Variants in MARK1 observed in about 807,000 individuals in gnomAD.
MARK1 encodes microtubule affinity regulating kinase 1, also known as serine/threonine-protein kinase MARK1.
Under a neutral mutation model 96.3 loss-of-function variants are expected in MARK1, and 40 were observed. That is an observed-to-expected ratio of 0.42 (90% CI 0.32 to 0.54). The LOEUF is 0.54. MARK1 is among the 20% of genes least tolerant of loss of function. The pLI is 0.16. For missense variants in MARK1, 719 were observed against 984.6 expected (o/e 0.73, Z 3.61); for synonymous variants, 317 against 341.2 (o/e 0.93, Z 0.78).
chr1:220,610,257 C>CT (rs1170393025), intron 6 of MARK1, among the ~76,000 whole-genome samples: 1 of 152,162 alleles, frequency 6.6e-6, no homozygotes, highest in East Asian at 1.9e-4. Flanking sequence ...TCTTTCTACT[C>CT]TTTTTTCTCT....
chr1:220,642,604 A>G (rs2103031481), intron 13 of MARK1, among the ~76,000 whole-genome samples: 1 of 152,358 alleles, frequency 6.6e-6, no homozygotes, highest in African/African-American at 2.4e-5. Context: ...AGCACAGATC[A>G]CCAGCTCCAC....
rs371532533 is a variant in MARK1, at chr1:220,588,258, CAGGATCTT to C, written c.309+7145_309+7152del. 3.3e-5 allele frequency among the ~76,000 whole-genome samples: 5 copies of C among 152,260 alleles called. No homozygotes were observed. The East Asian group carries it at 7.7e-4, about 23-fold the overall frequency. On this transcript the variant is annotated intron_variant, in intron 3 of 17. Coordinates refer to ENST00000366917, the MANE Select transcript of MARK1 (RefSeq NM_018650.5). ...GCACCAACTTATACCCAAAGCTGTGCAGGATCTTAGGAGAGATTCAAGTAATGTGAAAT... is the reference window on the plus strand; with the variant it reads ...GCACCAACTTATACCCAAAGCTGTGCAGGAGAGATTCAAGTAATGTGAAAT...
chr1:220,528,705 G>A lies in MARK1; in HGVS notation c.-118G>A. On this transcript the variant is annotated 5_prime_UTR_variant, in exon 1 of 18. Coordinates refer to ENST00000366917, the MANE Select transcript of MARK1 (RefSeq NM_018650.5). Reference sequence around the variant, plus strand: ...CGCTTGTTGCACCGCCCCGCGGCCTGCGGGAGCCGCTCGCCCCGGCCTTGT... The same window carrying A: ...CGCTTGTTGCACCGCCCCGCGGCCTACGGGAGCCGCTCGCCCCGGCCTTGT... 1.2e-6 allele frequency: 1 copy of A among 866,928 alleles called. No homozygotes were observed. The highest frequency in any genetic ancestry group is 1.7e-6 in the Non-Finnish European group (1 of 595,850). 53.7% of individuals were successfully genotyped at this position (866,928 alleles called of 1,614,324 possible).
At chr1:220,580,335 T>C (rs1181627322) in intron 2 of MARK1, among the ~76,000 whole-genome samples, 1 of 151,808 alleles carries the variant, frequency 6.6e-6, no homozygotes, top group African/African-American at 2.4e-5. Flanking sequence ...AATACAGAAA[T>C]TAGCTGGGCT....
At position 220,607,146 on chromosome 1, in the gene MARK1, A is replaced by C. The variant is rs61830212; in HGVS notation, c.495+3009A>C. Reference sequence around the variant, plus strand: ...CATTTTCACAATATTGATTCTTCCTATCCGTGAGCATGGAATATTCTTCCA... The same window carrying C: ...CATTTTCACAATATTGATTCTTCCTCTCCGTGAGCATGGAATATTCTTCCA... On this transcript the variant is annotated intron_variant, in intron 6 of 17. Transcript: ENST00000366917. 9.7e-3 allele frequency among the ~76,000 whole-genome samples: 1,479 copies of C among 152,272 alleles called. 15 individuals are homozygous for C. Among genetic ancestry groups the C allele is most frequent in the Non-Finnish European group, 0.016 (1,071 of 68,020 alleles).
intron 1 of MARK1, among the ~76,000 whole-genome samples, chr1:220,564,022 A>G (rs1662870578): frequency 6.6e-6 from 1 of 152,186 alleles, no homozygotes; most frequent in Non-Finnish European, 1.5e-5. Context: ...AGCAGTGGAA[A>G]AGAGAAGAGT....
At chr1:220,611,799 C>G (rs1161298217) in intron 6 of MARK1, among the ~76,000 whole-genome samples, 1 of 152,122 alleles carries the variant, frequency 6.6e-6, no homozygotes, top group Non-Finnish European at 1.5e-5. Flanking sequence ...GTGGCGCTAT[C>G]TTGTCTCGCT....
chr1:220,588,022 A>G (rs1664761732), intron 3 of MARK1, among the ~76,000 whole-genome samples: 1 of 152,156 alleles, frequency 6.6e-6, no homozygotes, highest in African/African-American at 2.4e-5. Context: ...TATGAGATTT[A>G]CTGTTGCTCC....
intron 15 of MARK1, among the ~76,000 whole-genome samples, chr1:220,652,462 C>T (rs951965642): frequency 6.6e-5 from 10 of 152,042 alleles, no homozygotes; most frequent in African/African-American, 1.9e-4. Context: ...TTAAACCATA[C>T]GAACAAACAC....
chr1:220,599,437 C>T (rs541682873), intron 4 of MARK1, among the ~76,000 whole-genome samples: 36 of 152,130 alleles, frequency 2.4e-4, no homozygotes, highest in Middle Eastern at 3.5e-3. Context: ...GATTATTTAG[C>T]ATTTTTTGAT....
chr1:220,659,813 C>T (rs558362242), intron 17 of MARK1, among the ~76,000 whole-genome samples: 1 of 151,996 alleles, frequency 6.6e-6, no homozygotes, highest in African/African-American at 2.4e-5. Context: ...TCTTCTGAGA[C>T]AAAGTTTTGC....
intron 3 of MARK1, 75 bp from the exon 4 acceptor site, chr1:220,598,256 A>G: frequency 2.0e-6 from 1 of 500,898 alleles, no homozygotes; most frequent in South Asian, 1.6e-5. Context: ...AATTTCTTCA[A>G]ATAAATATTT....
intron 3 of MARK1, among the ~76,000 whole-genome samples, chr1:220,586,048 A>G (rs1245852441): frequency 6.7e-6 from 1 of 150,210 alleles, no homozygotes; most frequent in Non-Finnish European, 1.5e-5. Context: ...TTAAAATGTA[A>G]TACATAGAGT....
chr1:220,650,077 T>G (rs946839503), intron 13 of MARK1, among the ~76,000 whole-genome samples: 3 of 152,150 alleles, frequency 2.0e-5, no homozygotes, highest in Non-Finnish European at 4.4e-5. Context: ...ATCTTCAGGG[T>G]GGCACTGCAC....
intron 6 of MARK1, among the ~76,000 whole-genome samples, chr1:220,608,869 A>C (rs942454206): frequency 6.6e-6 from 1 of 152,142 alleles, no homozygotes; most frequent in African/African-American, 2.4e-5. Context: ...TGCGGTTTTG[A>C]GTGAGTTTCT....
At chr1:220,542,712 GT>G (rs1661229803) in intron 1 of MARK1, among the ~76,000 whole-genome samples, 2 of 152,002 alleles carry the variant, frequency 1.3e-5, no homozygotes, top group Non-Finnish European at 2.9e-5. Context: ...GTTTTTTTAT[GT>G]TTGTTTACTT....
intron 1 of MARK1, among the ~76,000 whole-genome samples, chr1:220,578,696 C>T (rs1664032969): frequency 6.6e-6 from 1 of 152,168 alleles, no homozygotes. Flanking sequence ...AGACATTCTG[C>T]CTTTTTAATG....
At chr1:220,534,215 G>T (rs926933676) in intron 1 of MARK1, among the ~76,000 whole-genome samples, 1 of 151,918 alleles carries the variant, frequency 6.6e-6, no homozygotes, top group Non-Finnish European at 1.5e-5. Flanking sequence ...GGGGGTATAT[G>T]TGTTAATTTG....
intron 1 of MARK1, among the ~76,000 whole-genome samples, chr1:220,549,334 C>T (rs943387314): frequency 5.5e-4 from 84 of 152,136 alleles, no homozygotes; most frequent in African/African-American, 2.0e-3. Flanking sequence ...ACACATATAG[C>T]GCCCTTAGAA....
Sources: allele counts gnomAD v4.1 joint callset (sites outside exome capture counted in the v4.1 genomes callset), GRCh38; gene constraint gnomAD v4.1.1; transcripts MANE v1.5; gene names NCBI Gene and HGNC (gene_info 2026-07-23, HGNC 2026-07-21).